RCOR2: variants seen among roughly 807,000 people sequenced by gnomAD.
RCOR2 encodes REST corepressor 2.
Under a neutral mutation model 58.9 loss-of-function variants are expected in RCOR2, and 19 were observed. That is an observed-to-expected ratio of 0.32 (90% confidence interval 0.23 to 0.47). RCOR2 has a LOEUF of 0.47. RCOR2 is among the 20% of genes least tolerant of loss of function. The pLI is 1.00. For missense variants in RCOR2, 590 were observed against 707.9 expected, an observed-to-expected ratio of 0.83 and a Z score of 1.89; for synonymous variants, 286 against 278.7, an observed-to-expected ratio of 1.03 and a Z score of -0.26.
In RCOR2 at chr11:63,916,986, C is replaced by CGACGGCGGCGG. The variant is rs1453665265; in HGVS notation, c.-541_-531dup. 1 of 147,666 alleles carries CGACGGCGGCGG rather than the reference C, an allele frequency of 6.8e-6. No individual in the cohort carries two copies. The highest frequency in any genetic ancestry group is 1.5e-5 in the Non-Finnish European group (1 of 66,058). 9.1% of individuals were successfully genotyped at this position (147,666 alleles called of 1,614,324 possible). On this transcript the variant is annotated 5_prime_UTR_variant, in exon 1 of 12. Coordinates refer to ENST00000301459, the MANE Select transcript of RCOR2 (RefSeq NM_173587.4). ...GGGGCACCGGCGGCGGCGGCGGCGG[C>CGACGGCGGCGG]GACGGCGGCGGGACGGCGCGCACGG...
rs368290555 is a variant in RCOR2, at chr11:63,911,729, T to G, written c.*136A>C. On this transcript the variant is annotated 3_prime_UTR_variant, in exon 12 of 12. Coordinates refer to ENST00000301459, the MANE Select transcript of RCOR2 (RefSeq NM_173587.4). ...ACATGCAGAACCCAAAGGGCGGGGC[T>G]GGGCTGTCCGAAACTCTGGTCTTAC... The G allele has an allele frequency of 2.7e-4, 354 of 1,334,692 alleles. 3 individuals are homozygous for G. The East Asian group carries it at 4.6e-3, about 17-fold the overall frequency. The allele number at this position is 1,334,692 out of a possible 1,614,324, so 82.7% of individuals were successfully genotyped here.
Position 63,911,693 on chromosome 11 carries a change from C to CT in RCOR2, c.*171dup. 9.0e-7 allele frequency: 1 copy of CT among 1,108,712 alleles called. No individual in the cohort carries two copies. Among genetic ancestry groups the CT allele is most frequent in the Non-Finnish European group, 1.2e-6 (1 of 842,966 alleles). The allele number at this position is 1,108,712 out of a possible 1,614,324, so 68.7% of individuals were successfully genotyped here. On this transcript the variant is annotated 3_prime_UTR_variant, in exon 12 of 12. Coordinates refer to ENST00000301459, the MANE Select transcript of RCOR2 (RefSeq NM_173587.4). ...CCATGGCCCCAGGAGACAGGCCCAG[C>CT]TGCCAGGAACACATGCAGAACCCAA...
the RCOR2 span, among the ~76,000 whole-genome samples, chr11:63,923,885 C>A: frequency 6.6e-6 from 1 of 152,208 alleles, no homozygotes; most frequent in African/African-American, 2.4e-5. Flanking sequence ...GCCCAGCCTG[C>A]CCCTTCCCTA....
chr11:63,912,340 G>C lies in RCOR2; in HGVS notation c.1222C>G (p.Pro408Ala), dbSNP rs1376392933. Residue 408 changes from proline to alanine, a missense_variant, in exon 11 of 12, where the codon CCA (proline) becomes GCA (alanine). Pro to Ala is a conservative substitution (Grantham distance 27). Around this residue, in one of 3 missense-constraint regions of RCOR2, gnomAD observed 196 missense variants for 210.7 expected, o/e 0.93. Coordinates refer to ENST00000301459, the MANE Select transcript of RCOR2 (RefSeq NM_173587.4). ...TCCTCTAGGGCTGGGGCTGGCAATG[G>C]AGCCCCTCTCCTAGCCTCCTCCATG... ...VPMEEARRGA[P>A]LPAPALEEDD... The C allele has an allele frequency of 1.2e-6, 2 of 1,613,342 alleles. No individual in the cohort carries two copies. The highest frequency in any genetic ancestry group is 1.7e-6 in the Non-Finnish European group (2 of 1,179,692).
chr11:63,918,295 T>C (rs1296977837), upstream of RCOR2, among the ~76,000 whole-genome samples: 1 of 152,178 alleles, frequency 6.6e-6, no homozygotes, highest in Non-Finnish European at 1.5e-5. Context: ...CAGGGATCCC[T>C]GCCCCCACCC....
At chr11:63,918,713 C>T (rs372007930), upstream of RCOR2, among the ~76,000 whole-genome samples, 3 of 152,132 alleles carry the variant, frequency 2.0e-5, no homozygotes, top group East Asian at 1.9e-4. Flanking sequence ...TCTGTCCCCT[C>T]CTGCCTGGCA....
chr11:63,924,429 G>A, the RCOR2 span, among the ~76,000 whole-genome samples: 7 of 152,098 alleles, frequency 4.6e-5, no homozygotes, highest in African/African-American at 7.2e-5. Flanking sequence ...GGCTGGTCTC[G>A]TAATCCTGAC....
At chr11:63,913,856 C>A in intron 8 of RCOR2, 98 bp downstream of exon 8, 2 of 1,146,426 alleles carry the variant, frequency 1.7e-6, no homozygotes, top group South Asian at 2.5e-5. Flanking sequence ...GGGCTCGGCC[C>A]CTGAACCATC....
At position 63,916,463 on chromosome 11, in the gene RCOR2, G is replaced by A. The variant is rs777858169; in HGVS notation, c.-7C>T. 2 of 1,604,164 alleles carry A rather than the reference G, an allele frequency of 1.2e-6. No individual in the cohort carries two copies. Among genetic ancestry groups the A allele is most frequent in the East Asian group, 2.2e-5 (1 of 44,594 alleles). On this transcript the variant is annotated 5_prime_UTR_variant, in exon 1 of 12. Coordinates refer to ENST00000301459, the MANE Select transcript of RCOR2 (RefSeq NM_173587.4). ...TCTCCATCACTGAGGGCATTACCCC[G>A]CCCAGCTGCCCCGGGGGGCGCAGGA... is the stretch of plus-strand genomic sequence containing the variant.
At chr11:63,924,555 C>T in the RCOR2 span, among the ~76,000 whole-genome samples, 3 of 152,140 alleles carry the variant, frequency 2.0e-5, no homozygotes, top group Non-Finnish European at 2.9e-5. Flanking sequence ...TCTTCCCTCT[C>T]CTTTACTTCC....
rs1941798146 is a variant in RCOR2, at chr11:63,912,942, C to T, written c.897G>A (p.Gln299=). 2.5e-6 allele frequency: 4 copies of T among 1,612,858 alleles called. No individual in the cohort carries two copies. Among genetic ancestry groups the T allele is most frequent in the African/African-American group, 1.3e-5 (1 of 74,884 alleles). ...SQLISLKRQV[Q]SMKQTNSSLR... ...GGCTGCTGTTCGTCTGCTTCATGCT[C>T]TGTACCTGGGAAGGCCAGGAAGTGG... Residue 299 remains glutamine (Q), a synonymous_variant, in exon 9 of 12, where the codon CAG becomes CAA. Coordinates refer to ENST00000301459, the MANE Select transcript of RCOR2 (RefSeq NM_173587.4).
In RCOR2 at chr11:63,916,761, T is replaced by G; in HGVS notation, c.-305A>C. ...CTATGTACGCCCCTCAGGGTTGGGG[T>G]TCCCCTGAAGTCGGGGCCCCCTGTC... On this transcript the variant is annotated 5_prime_UTR_variant, in exon 1 of 12. Transcript: ENST00000301459. 5 of 305,712 alleles carry G rather than the reference T, an allele frequency of 1.6e-5. No individual in the cohort carries two copies. Among genetic ancestry groups the G allele is most frequent in the East Asian group, 5.9e-5 (1 of 16,880 alleles). The allele number at this position is 305,712 out of a possible 1,614,324, so 18.9% of individuals were successfully genotyped here. A position where few individuals can be genotyped will look rare whatever the true frequency, so the allele number is the denominator to read the frequency against.
Position 63,915,539 on chromosome 11 carries a change from C to A in RCOR2, c.184+16G>T. The stretch of plus-strand genomic sequence containing the variant: ...CTCCACCCCCACCCCACTTCACAGC[C>A]TGTCCTGCGGCTCACCAGGCTTGCA... On this transcript the variant is annotated intron_variant, in intron 2 of 11. Transcript: ENST00000301459. The A allele has an allele frequency of 6.4e-7, 1 of 1,554,946 alleles. No individual in the cohort carries two copies. Among genetic ancestry groups the A allele is most frequent in the Non-Finnish European group, 8.7e-7 (1 of 1,148,448 alleles).
upstream of RCOR2, among the ~76,000 whole-genome samples, chr11:63,918,409 G>T (rs1247391104): frequency 6.6e-6 from 1 of 152,136 alleles, no homozygotes; most frequent in Non-Finnish European, 1.5e-5. Flanking sequence ...AGCCAGGCTC[G>T]ACCCCACCCG....
chr11:63,915,284 A>G (rs1350499178), intron 2 of RCOR2, 26 bp from the exon 3 acceptor site: 1 of 1,545,438 alleles, frequency 6.5e-7, no homozygotes, highest in Non-Finnish European at 8.8e-7. Context: ...GCAGGAGGGA[A>G]GACACTCAGA....
the RCOR2 span, among the ~76,000 whole-genome samples, chr11:63,926,197 C>G: frequency 6.6e-6 from 1 of 151,958 alleles, no homozygotes; most frequent in African/African-American, 2.4e-5. Context: ...AGGCGTGAGC[C>G]ACCACACCTG....
upstream of RCOR2, among the ~76,000 whole-genome samples, chr11:63,919,716 G>C (rs1458755077): frequency 1.3e-5 from 2 of 152,210 alleles, no homozygotes; most frequent in South Asian, 2.1e-4. Context: ...ACCTACCCGA[G>C]CTACCTCCGA....
chr11:63,915,178 G>A lies in RCOR2; in HGVS notation c.265C>T (p.Leu89Phe), dbSNP rs949380796. ...SPNHCVSDAK[L>F]DKYIAMAKEK... ...CCTCCCAGGGCTGTGCCCCACTCAC[G>A]CTTGGCATCTGACACACAGTGGTTG... Residue 89 changes from leucine to phenylalanine, a missense_variant and splice_region_variant, in exon 3 of 12, where the codon CTT becomes TTT. Physicochemically the swap from Leu to Phe is conservative, Grantham distance 22 (BLOSUM62 0). Around this residue, in one of 3 missense-constraint regions of RCOR2, gnomAD observed 390 missense variants for 478.7 expected, o/e 0.81. Transcript: ENST00000301459. 7.7e-6 allele frequency: 12 copies of A among 1,550,982 alleles called. No homozygotes were observed. In the Admixed American group the frequency reaches 1.4e-4, roughly 18 times the overall value.
intron 11 of RCOR2, 48 bp downstream of exon 11, chr11:63,912,257 C>CTCGCA: frequency 6.3e-7 from 1 of 1,594,576 alleles, no homozygotes. Flanking sequence ...GGCGCCTCAC[C>CTCGCA]TCGCCTCGCC....
Sources: allele counts gnomAD v4.1 joint callset (sites outside exome capture counted in the v4.1 genomes callset), GRCh38; gene constraint gnomAD v4.1.1; regional missense constraint gnomAD v4.1.1; transcripts MANE v1.5; gene names NCBI Gene and HGNC (gene_info 2026-07-23, HGNC 2026-07-21).